The following CCDC171 variants were observed in gnomAD, a reference collection of about 807,000 sequenced individuals.
CCDC171 encodes the protein coiled-coil domain containing 171.
In CCDC171, 177 loss-of-function variants were observed where a neutral mutation model predicts 168.2. That is an observed-to-expected ratio of 1.05 (90% CI 0.93 to 1.19). The LOEUF (loss-of-function observed/expected upper bound fraction) is 1.19, where lower values mean the gene tolerates loss of function less well. CCDC171 is among the 50% of genes most tolerant of loss of function. The pLI is 0.00. For synonymous variants in CCDC171, 687 were observed against 540.8 expected (o/e 1.27, Z -3.75); for missense variants, 1,991 against 1,539.0 (o/e 1.29, Z -4.91).
chr9:15,908,696 A>G (rs1823134858), intron 24 of CCDC171, among the ~76,000 whole-genome samples: 1 of 152,208 alleles, frequency 6.6e-6, no homozygotes, highest in Non-Finnish European at 1.5e-5. Flanking sequence ...TATAAAGAAA[A>G]GAAATTTAAT....
chr9:15,844,853 C>T (rs960354555), intron 21 of CCDC171, among the ~76,000 whole-genome samples: 2 of 151,992 alleles, frequency 1.3e-5, no homozygotes, highest in Admixed American at 6.6e-5. Context: ...ATTTCAAAGT[C>T]ATGGATTCCC....
chr9:15,716,982 T>C (rs912721225), intron 11 of CCDC171, among the ~76,000 whole-genome samples: 25 of 152,134 alleles, frequency 1.6e-4, no homozygotes, highest in Admixed American at 1.6e-3. Context: ...GAATACCAAA[T>C]TTAACAGTTA....
At chr9:15,904,834 A>C (rs1314811618) in intron 24 of CCDC171, among the ~76,000 whole-genome samples, 1 of 151,864 alleles carries the variant, frequency 6.6e-6, no homozygotes, top group East Asian at 1.9e-4. Flanking sequence ...AAGATCTACC[A>C]AGCAAATGGA....
intron 11 of CCDC171, among the ~76,000 whole-genome samples, chr9:15,706,896 C>A (rs2052285992): frequency 1.3e-5 from 2 of 152,218 alleles, no homozygotes; most frequent in African/African-American, 2.4e-5. Flanking sequence ...ATGTATGTGT[C>A]ACCCAGGAAT....
intron 25 of CCDC171, among the ~76,000 whole-genome samples, chr9:15,947,889 T>C (rs1449501295): frequency 6.6e-6 from 1 of 151,992 alleles, no homozygotes; most frequent in Non-Finnish European, 1.5e-5. Context: ...GTTAGTTACA[T>C]ATGTATACAT....
At position 15,778,245 on chromosome 9, in the gene CCDC171, C is replaced by T. The variant is rs1420385670; in HGVS notation, c.2898+419C>T. ...CCGGGAAGCGGAGCTTGCAGTGAGC[C>T]GAGATTGCGCCACTGCAGTCCGCAG... On this transcript the variant is annotated intron_variant, in intron 19 of 25. Coordinates refer to ENST00000380701, the MANE Select transcript of CCDC171 (RefSeq NM_173550.4). Among the ~76,000 whole-genome samples the T allele has an allele frequency of 3.0e-5, 4 of 132,658 alleles. No homozygotes were observed. The East Asian group carries it at 7.5e-4, about 25-fold the overall frequency. The allele number at this position is 132,658 out of a possible 152,430, so 87.0% of individuals were successfully genotyped here.
intron 21 of CCDC171, among the ~76,000 whole-genome samples, chr9:15,835,304 C>G (rs2060395635): frequency 6.6e-6 from 1 of 152,118 alleles, no homozygotes; most frequent in South Asian, 2.1e-4. Context: ...TGTTATATAA[C>G]TGAGCAATTT....
At chr9:15,671,501 C>T (rs1460693778) in intron 9 of CCDC171, among the ~76,000 whole-genome samples, 2 of 151,250 alleles carry the variant, frequency 1.3e-5, no homozygotes, top group African/African-American at 2.4e-5. Context: ...AATGCTATCC[C>T]TCCCCCAGCC....
chr9:16,064,545 G>T (rs1046615608), downstream of CCDC171, among the ~76,000 whole-genome samples: 3 of 152,182 alleles, frequency 2.0e-5, no homozygotes, highest in Non-Finnish European at 4.4e-5. Context: ...ACTTTTGGCT[G>T]ATTCTTTTTA....
intron 8 of CCDC171, among the ~76,000 whole-genome samples, chr9:15,661,853 G>C (rs541179365): frequency 1.2e-3 from 189 of 152,256 alleles, no homozygotes; most frequent in Non-Finnish European, 1.8e-3. Flanking sequence ...ATATTCCCCA[G>C]ATTTACTGTT....
chr9:15,912,737 T>C (rs916794565), intron 24 of CCDC171, among the ~76,000 whole-genome samples: 5 of 152,234 alleles, frequency 3.3e-5, no homozygotes, highest in Non-Finnish European at 7.3e-5. Context: ...ATTGAGTGTT[T>C]TTAGCATGAA....
chr9:16,079,095 TA>T, the CCDC171 span, among the ~76,000 whole-genome samples: 1 of 152,220 alleles, frequency 6.6e-6, no homozygotes, highest in Non-Finnish European at 1.5e-5. Context: ...TCAAGCTTTT[TA>T]TTGCACCCTA....
intron 7 of CCDC171, among the ~76,000 whole-genome samples, chr9:15,638,002 G>T (rs954324336): frequency 8.5e-5 from 13 of 152,118 alleles, no homozygotes; most frequent in Non-Finnish European, 1.8e-4. Context: ...GGATGGCTGG[G>T]TCAAATGGTA....
At chr9:15,752,485 G>T (rs2055819982) in intron 18 of CCDC171, among the ~76,000 whole-genome samples, 1 of 152,122 alleles carries the variant, frequency 6.6e-6, no homozygotes, top group African/African-American at 2.4e-5. Context: ...CAAAGACTTG[G>T]AACCGACCTA....
At chr9:15,630,189 A>G (rs543779231) in intron 7 of CCDC171, among the ~76,000 whole-genome samples, 38 of 152,288 alleles carry the variant, frequency 2.5e-4, no homozygotes, top group African/African-American at 8.7e-4. Flanking sequence ...ATTAACTTTA[A>G]ATGTAAATGG....
chr9:15,570,604 T>C (rs2040148409), intron 2 of CCDC171, among the ~76,000 whole-genome samples: 1 of 152,212 alleles, frequency 6.6e-6, no homozygotes, highest in Non-Finnish European at 1.5e-5. Context: ...TGGCATGCTC[T>C]GTAGGGTTAT....
chr9:15,657,904 AG>A (rs1422997350), intron 8 of CCDC171, among the ~76,000 whole-genome samples: 1 of 152,188 alleles, frequency 6.6e-6, no homozygotes, highest in African/African-American at 2.4e-5. Context: ...GCATTTTATT[AG>A]GGGTTGGCAC....
At chr9:16,010,936 C>A (rs1832852917) in intron 3 of CCDC171, among the ~76,000 whole-genome samples, 1 of 152,184 alleles carries the variant, frequency 6.6e-6, no homozygotes, top group Non-Finnish European at 1.5e-5. Context: ...GTGGTAGAGC[C>A]TGATTCGCTC....
chr9:15,832,446 A>G (rs1337103044), intron 21 of CCDC171, among the ~76,000 whole-genome samples: 2 of 152,242 alleles, frequency 1.3e-5, no homozygotes, highest in African/African-American at 4.8e-5. Context: ...TTCTACACAC[A>G]TAGGCTCCAT....
Sources: gnomAD v4.1 joint callset for allele counts (sites outside exome capture counted in the v4.1 genomes callset) on GRCh38, gnomAD v4.1.1 for gene constraint, MANE v1.5 for transcripts, NCBI Gene and HGNC (gene_info 2026-07-23, HGNC 2026-07-21) for gene names.